TSPOAP1: variants seen among roughly 807,000 people sequenced by gnomAD.
The protein encoded by TSPOAP1 is peripheral-type benzodiazepine receptor-associated protein 1.
Under a neutral mutation model 197.0 loss-of-function variants are expected in TSPOAP1, and 87 were observed. The ratio of observed to expected loss-of-function variants is 0.44; its 90% CI spans 0.37 to 0.53. TSPOAP1 has a LOEUF of 0.53. TSPOAP1 is among the 20% of genes least tolerant of loss of function. The pLI, the probability that TSPOAP1 is intolerant of heterozygous loss-of-function variation, is 0.00. For missense variants in TSPOAP1, 2,174 were observed against 2,411.3 expected (o/e 0.90, Z 2.06); for synonymous variants, 913 against 998.9 (o/e 0.91, Z 1.62).
chr17:58,306,503 G>T, intron 25 of TSPOAP1, 90 bp from the exon 26 acceptor site: 1 of 1,244,982 alleles, frequency 8.0e-7, no homozygotes, highest in Non-Finnish European at 1.1e-6. Flanking sequence ...GCCGTGCTAG[G>T]TTACTGAGCT....
chr17:58,319,000 T>C (rs781257686), intron 13 of TSPOAP1, 90 bp downstream of exon 13: 45 of 1,345,948 alleles, frequency 3.3e-5, no homozygotes, highest in Admixed American at 1.7e-4. Context: ...TTTGGATGAG[T>C]TGCTGGCCTT....
intron 10 of TSPOAP1, among the ~76,000 whole-genome samples, 157 bp from the exon 11 acceptor site, chr17:58,320,738 G>A (rs779703088): frequency 1.3e-5 from 2 of 152,052 alleles, no homozygotes; most frequent in Admixed American, 1.3e-4. Context: ...GGATAGGGAA[G>A]GGGGAGGCCG....
chr17:58,302,098 G>A lies in TSPOAP1; in HGVS notation c.*382C>T, dbSNP rs1970735883. On this transcript the variant is annotated 3_prime_UTR_variant, in exon 32 of 32. Coordinates refer to ENST00000343736, the MANE Select transcript of TSPOAP1 (RefSeq NM_004758.4). ...CTTCTCTAGAGAGTTCATCCTTAAG[G>A]AGCCATTTAGCTCTGACCTTCACCA... 4.1e-6 allele frequency: 2 copies of A among 491,816 alleles called. No homozygotes were observed. Among genetic ancestry groups the A allele is most frequent in the African/African-American group, 2.1e-5 (1 of 48,470 alleles). 30.5% of individuals were successfully genotyped at this position (491,816 alleles called of 1,614,324 possible).
In TSPOAP1 at chr17:58,328,212, A is replaced by G; in HGVS notation, c.-292T>C. ...CTGTGGGGGTAGGGAGGATGTGCAGAGGCCACCGACAGCTGCGCCTGGGTG... is the reference window on the plus strand; with the variant it reads ...CTGTGGGGGTAGGGAGGATGTGCAGGGGCCACCGACAGCTGCGCCTGGGTG... On this transcript the variant is annotated 5_prime_UTR_variant, in exon 1 of 32. Transcript: ENST00000343736. The surrounding 1 kb of genome is among the most constrained non-coding windows in gnomAD (Gnocchi z 4.3). 2.1e-6 allele frequency: 1 copy of G among 466,700 alleles called. No homozygotes were observed. The highest frequency in any genetic ancestry group is 3.9e-6 in the Non-Finnish European group (1 of 254,196). 28.9% of individuals were successfully genotyped at this position (466,700 alleles called of 1,614,324 possible). A position where few individuals can be genotyped will look rare whatever the true frequency, so the allele number is the denominator to read the frequency against.
Position 58,324,771 on chromosome 17 carries a change from C to CAAAAA in TSPOAP1, c.942+39_942+40insTTTTT. The CAAAAA allele has an allele frequency of 2.2e-6, 3 of 1,383,102 alleles. No individual in the cohort carries two copies. The highest frequency in any genetic ancestry group is 1.9e-6 in the Non-Finnish European group (2 of 1,065,530). The allele number at this position is 1,383,102 out of a possible 1,614,324, so 85.7% of individuals were successfully genotyped here. ...CCCGGTGGTCGTTCCCCCCACCCATCTGCACGCACCCACACACCTGCCCTT... is the reference window on the plus strand; with the variant it reads ...CCCGGTGGTCGTTCCCCCCACCCATCAAAAATGCACGCACCCACACACCTGCCCTT... On this transcript the variant is annotated intron_variant, in intron 5 of 31. Coordinates refer to ENST00000343736, the MANE Select transcript of TSPOAP1 (RefSeq NM_004758.4). The surrounding 1 kb of genome is among the most constrained non-coding windows in gnomAD (Gnocchi z 5.8).
rs770221139 is a variant in TSPOAP1, at chr17:58,305,659, G to T, written c.5258-16C>A. On this transcript the variant is annotated splice_polypyrimidine_tract_variant and intron_variant, in intron 27 of 31. Coordinates refer to ENST00000343736, the MANE Select transcript of TSPOAP1 (RefSeq NM_004758.4). ...TTAGGGGGGCCTGCAGGGGGAGTAG[G>T]AGAAGACTCTGGACTCTCTGGAGAG... The T allele has an allele frequency of 7.0e-7, 1 of 1,421,340 alleles. No individual in the cohort carries two copies. Among genetic ancestry groups the T allele is most frequent in the Admixed American group, 2.1e-5 (1 of 48,428 alleles). The allele number at this position is 1,421,340 out of a possible 1,614,324, so 88.0% of individuals were successfully genotyped here.
At chr17:58,318,988 A>G in intron 13 of TSPOAP1, 102 bp downstream of exon 13, 1 of 1,285,030 alleles carries the variant, frequency 7.8e-7, no homozygotes, top group Non-Finnish European at 1.0e-6. Flanking sequence ...CTGCTGTGTG[A>G]CTTTGGATGA....
intron 6 of TSPOAP1, 21 bp from the exon 7 acceptor site, chr17:58,323,402 G>A (rs372161518): frequency 4.3e-6 from 7 of 1,614,220 alleles, no homozygotes; most frequent in Middle Eastern, 1.6e-4. Flanking sequence ...AGAACCAAGT[G>A]CTCCTCATGA....
intron 20 of TSPOAP1, 81 bp downstream of exon 20, chr17:58,310,431 G>A (rs755345459): frequency 1.3e-5 from 20 of 1,567,148 alleles, no homozygotes; most frequent in Non-Finnish European, 1.7e-5. Context: ...GGCAGAGAGG[G>A]CAACTGGATT....
rs559610118 is a variant in TSPOAP1, at chr17:58,322,577, A to G, written c.1317+77T>C. ...CCAGGCCTCAGAGCTAGTGCCCCTC[A>G]CTAAGAATATTCTGCTGTCCCACTT... On this transcript the variant is annotated intron_variant, in intron 9 of 31. Coordinates refer to ENST00000343736, the MANE Select transcript of TSPOAP1 (RefSeq NM_004758.4). The surrounding 1 kb of genome is among the most constrained non-coding windows in gnomAD (Gnocchi z 5.0). 1.7e-5 allele frequency: 27 copies of G among 1,584,532 alleles called. 2 individuals are homozygous for G. The South Asian group carries it at 2.7e-4, about 16-fold the overall frequency.
At position 58,307,596 on chromosome 17, in the gene TSPOAP1, T is replaced by G; in HGVS notation, c.4983+15A>C. Reference sequence around the variant, plus strand: ...TGGTGTTTGGAATTCTGAGCCCTGATGGCGAATCAGTCACCTTCAGGATCT... The same window carrying G: ...TGGTGTTTGGAATTCTGAGCCCTGAGGGCGAATCAGTCACCTTCAGGATCT... On this transcript the variant is annotated intron_variant, in intron 24 of 31. Coordinates refer to ENST00000343736, the MANE Select transcript of TSPOAP1 (RefSeq NM_004758.4). The G allele has an allele frequency of 2.7e-5, 43 of 1,612,288 alleles. No individual in the cohort carries two copies. The highest frequency in any genetic ancestry group is 3.6e-5 in the Non-Finnish European group (43 of 1,179,136).
chr17:58,312,654 G>A lies in TSPOAP1; in HGVS notation c.2167C>T (p.Leu723Phe), dbSNP rs1971110017. Residue 723 changes from leucine (L) to phenylalanine (F), a missense_variant, in exon 17 of 32, where the codon CTC (leucine) becomes TTC (phenylalanine). Coordinates refer to ENST00000343736, the MANE Select transcript of TSPOAP1 (RefSeq NM_004758.4). The stretch of plus-strand genomic sequence containing the variant: ...AGCTCTGGAGGGAGGGAGGTCAGGA[G>A]GTCATCATCCGACACACGCTCTACA... ...NFVERVSDDD[L>F]LTSLPPELAD... The A allele has an allele frequency of 6.2e-7, 1 of 1,613,828 alleles. No homozygotes were observed. Among genetic ancestry groups the A allele is most frequent in the Non-Finnish European group, 8.5e-7 (1 of 1,180,046 alleles).
intron 22 of TSPOAP1, 29 bp downstream of exon 22, chr17:58,308,512 G>T: frequency 2.0e-6 from 3 of 1,491,892 alleles, no homozygotes; most frequent in Non-Finnish European, 2.7e-6. Flanking sequence ...GCAGGCAGGG[G>T]CTGCCCAGGG....
intron 11 of TSPOAP1, 142 bp from the exon 12 acceptor site, chr17:58,320,271 G>C (rs1458020168): frequency 1.8e-6 from 2 of 1,094,180 alleles, no homozygotes; most frequent in East Asian, 5.1e-5. Context: ...CTAAATGGAA[G>C]GATATCTCAG....
chr17:58,308,515 G>T lies in TSPOAP1; in HGVS notation c.4731+26C>A, dbSNP rs1199420024. On this transcript the variant is annotated intron_variant, in intron 22 of 31. Coordinates refer to ENST00000343736, the MANE Select transcript of TSPOAP1 (RefSeq NM_004758.4). ...CACCAGGTGGCAGCAGGCAGGGGCT[G>T]CCCAGGGCGGGGAGTGAGCACGGAC... The T allele has an allele frequency of 4.7e-6, 7 of 1,496,274 alleles. No individual in the cohort carries two copies. In the African/African-American group the frequency reaches 9.9e-5, roughly 21 times the overall value. 92.7% of individuals were successfully genotyped at this position (1,496,274 alleles called of 1,614,324 possible). A position where few individuals can be genotyped will look rare whatever the true frequency, so the allele number is the denominator to read the frequency against.
At chr17:58,306,640 C>T (rs1414590220) in intron 25 of TSPOAP1, 160 bp downstream of exon 25, 18 of 1,019,132 alleles carry the variant, frequency 1.8e-5, no homozygotes, top group Non-Finnish European at 2.4e-5. Context: ...GGCCAGCCCA[C>T]GTACAGTCTG....
chr17:58,311,220 G>A lies in TSPOAP1; in HGVS notation c.3082-7C>T, dbSNP rs752061457. 1.2e-6 allele frequency: 2 copies of A among 1,610,118 alleles called. No individual in the cohort carries two copies. Among genetic ancestry groups the A allele is most frequent in the South Asian group, 2.2e-5 (2 of 90,674 alleles). ...GTGAGGCCACCTCCATGATCTGCAG[G>A]GTGGAGGGGGCACAGGATGGGAAGC... On this transcript the variant is annotated splice_polypyrimidine_tract_variant and splice_region_variant and intron_variant, in intron 18 of 31. Coordinates refer to ENST00000343736, the MANE Select transcript of TSPOAP1 (RefSeq NM_004758.4).
intron 13 of TSPOAP1, 67 bp from the exon 14 acceptor site, chr17:58,318,519 G>A (rs968533406): frequency 1.3e-5 from 20 of 1,487,928 alleles, no homozygotes; most frequent in Non-Finnish European, 1.6e-5. Flanking sequence ...ATAGGGTGGT[G>A]CTTCTTGGAT....
chr17:58,305,332 T>C (rs1970848586), intron 29 of TSPOAP1, 55 bp downstream of exon 29: 2 of 1,589,244 alleles, frequency 1.3e-6, no homozygotes, highest in African/African-American at 2.7e-5. Flanking sequence ...CCTATCCCCC[T>C]GTCCGAAGTC....
Sources: gnomAD v4.1 joint callset for allele counts (sites outside exome capture counted in the v4.1 genomes callset) on GRCh38, gnomAD v4.1.1 for gene constraint, Gnocchi (gnomAD v3.1) non-coding constraint, MANE v1.5 for transcripts, NCBI Gene and HGNC (gene_info 2026-07-23, HGNC 2026-07-21) for gene names.